Variants in FSD1 observed in about 807,000 individuals in gnomAD.
FSD1 encodes the protein fibronectin type III and SPRY domain containing 1, also known as fibronectin type III and SPRY domain-containing protein 1.
FSD1 carries 23 observed loss-of-function variants against 58.2 expected under a neutral mutation model. The ratio of observed to expected loss-of-function variants is 0.40; its 90% confidence interval spans 0.28 to 0.56. The LOEUF (loss-of-function observed/expected upper bound fraction) is 0.56, where lower values mean the gene tolerates loss of function less well. Ranked by LOEUF, FSD1 falls within the 20% of genes least tolerant of loss-of-function variation. The pLI is 0.54. For missense variants in FSD1, 563 were observed against 670.8 expected (o/e 0.84, Z 1.78); for synonymous variants, 265 against 263.4 (o/e 1.01, Z -0.06).
rs1479738701 is a variant in FSD1 at position 4,323,030 on chromosome 19, T to C, written c.1084T>C (p.Tyr362His). 5 of 1,611,946 alleles carry C rather than the reference T, an allele frequency of 3.1e-6. No individual in the cohort carries two copies. Among genetic ancestry groups the C allele is most frequent in the African/African-American group, 1.3e-5 (1 of 74,910 alleles). The change falls in exon 11 of 13, where the codon TAC becomes CAC. Residue 362 changes from tyrosine to histidine, a missense_variant. Coordinates refer to ENST00000221856, the MANE Select transcript of FSD1 (RefSeq NM_024333.3). The surrounding 1 kb of genome is among the most constrained non-coding windows in gnomAD (Gnocchi z 7.7). Reference sequence around the variant, plus strand: ...CGGGGAGCATTACTGGGAGGTGCGCTACGAGCCGGACAGCAAGGCGTTCGG... The same window carrying C: ...CGGGGAGCATTACTGGGAGGTGCGCCACGAGCCGGACAGCAAGGCGTTCGG... ...DGGEHYWEVR[Y>H]EPDSKAFGVG...
intron 9 of FSD1, 99 bp from the exon 10 acceptor site, chr19:4,318,773 A>G: frequency 1.0e-6 from 1 of 967,696 alleles, no homozygotes; most frequent in South Asian, 1.3e-5. Context: ...GATTGACCCA[A>G]CATCCACGGT....
chr19:4,318,413 G>A lies in FSD1; in HGVS notation c.867G>A (p.Glu289=), dbSNP rs1971778683. 1 of 1,613,956 alleles carries A rather than the reference G, an allele frequency of 6.2e-7. No individual in the cohort carries two copies. Among genetic ancestry groups the A allele is most frequent in the Non-Finnish European group, 8.5e-7 (1 of 1,180,020 alleles). ...QNLRVDDLSV[E]WDAMGGKVQD... ...TGCGGGTGGATGATCTCTCCGTGGA[G>A]TGGGACGCTATGGGCGGGAAGGTGC... is the stretch of plus-strand genomic sequence containing the variant. Residue 289 remains glutamate (E), a synonymous_variant, in exon 9 of 13, where the codon GAG becomes GAA. Coordinates refer to ENST00000221856, the MANE Select transcript of FSD1 (RefSeq NM_024333.3).
intron 7 of FSD1, among the ~76,000 whole-genome samples, chr19:4,316,496 C>T (rs1333071864): frequency 6.6e-6 from 1 of 152,030 alleles, no homozygotes; most frequent in Non-Finnish European, 1.5e-5. Context: ...GCTGACATTA[C>T]AGGCGTAAGC....
At chr19:4,307,832 C>T in intron 3 of FSD1, 50 bp from the exon 4 acceptor site, 1 of 1,446,374 alleles carries the variant, frequency 6.9e-7, no homozygotes, top group Non-Finnish European at 9.6e-7. Context: ...CTCAGGGGGC[C>T]TGAGGCAGTG....
chr19:4,323,617 A>G lies in FSD1; in HGVS notation c.1465A>G (p.Ser489Gly), dbSNP rs1235802389. The change falls in exon 13 of 13, where the codon AGC becomes GGC. Residue 489 changes from serine to glycine, a missense_variant. By Grantham distance (56) the Ser-to-Gly change is moderately conservative (BLOSUM62 0). Transcript: ENST00000221856. The surrounding 1 kb of genome is among the most constrained non-coding windows in gnomAD (Gnocchi z 7.7). Reference sequence around the variant, plus strand: ...CCTGCAAAAGCGAGGCAGTGCTACCAGCAGCTCCAACACCAGCCTCACCTA... The same window carrying G: ...CCTGCAAAAGCGAGGCAGTGCTACCGGCAGCTCCAACACCAGCCTCACCTA... ...RCLQKRGSAT[S>G]SSNTSLT 1 of 1,612,994 alleles carries G rather than the reference A, an allele frequency of 6.2e-7. No individual in the cohort carries two copies. Among genetic ancestry groups the G allele is most frequent in the South Asian group, 1.1e-5 (1 of 91,000 alleles).
chr19:4,316,382 C>G (rs1305845326), intron 7 of FSD1, among the ~76,000 whole-genome samples: 2 of 151,700 alleles, frequency 1.3e-5, no homozygotes, highest in Non-Finnish European at 2.9e-5. Context: ...CCCCCGCCCC[C>G]ACCAATTTTT....
intron 7 of FSD1, among the ~76,000 whole-genome samples, chr19:4,314,124 G>C (rs1971727010): frequency 6.6e-6 from 1 of 152,120 alleles, no homozygotes; most frequent in African/African-American, 2.4e-5. Context: ...CCATTCACTA[G>C]CTGCTTTTGG....
Position 4,323,792 on chromosome 19 carries a change from G to A in FSD1, c.*149G>A, listed in dbSNP as rs1322729770. 1.7e-5 allele frequency: 11 copies of A among 637,136 alleles called. No individual in the cohort carries two copies. The highest frequency in any genetic ancestry group is 3.0e-5 in the Non-Finnish European group (11 of 367,850). 39.5% of individuals were successfully genotyped at this position (637,136 alleles called of 1,614,324 possible). On this transcript the variant is annotated 3_prime_UTR_variant, in exon 13 of 13. Transcript: ENST00000221856. The surrounding 1 kb of genome is among the most constrained non-coding windows in gnomAD (Gnocchi z 7.7). ...ACCAAGAGGGAGTGGGCACCCTGGC[G>A]GGCCCTCTCCCCACCTCACCTCTTA... is the stretch of plus-strand genomic sequence containing the variant.
At chr19:4,312,835 TA>T (rs146565854) in intron 7 of FSD1, among the ~76,000 whole-genome samples, 3,480 of 149,216 alleles carry the variant, frequency 0.023, 97 homozygotes, top group African/African-American at 0.067. Context: ...AATAAATAAA[TA>T]AATAATAATA....
intron 7 of FSD1, among the ~76,000 whole-genome samples, chr19:4,313,291 T>A (rs1971715539): frequency 6.7e-6 from 1 of 150,322 alleles, no homozygotes; most frequent in Non-Finnish European, 1.5e-5. Context: ...CAGTGAGCCA[T>A]GACTGCACCA....
At chr19:4,312,158 A>T in intron 7 of FSD1, 107 bp downstream of exon 7, 2 of 1,024,920 alleles carry the variant, frequency 2.0e-6, no homozygotes, top group Non-Finnish European at 1.4e-6. Context: ...CCCAAAGCTC[A>T]TGGGGTCTGG....
At position 4,311,862 on chromosome 19, in the gene FSD1, G is replaced by C. The variant is rs760189878; in HGVS notation, c.511G>C (p.Asp171His). 1.2e-6 allele frequency: 2 copies of C among 1,614,116 alleles called. No homozygotes were observed. Among genetic ancestry groups the C allele is most frequent in the Middle Eastern group, 1.7e-4 (1 of 6,060 alleles). Reference protein sequence around the residue: ...FLPVPSAPVIDLAESLVADNC... With the variant: ...FLPVPSAPVIHLAESLVADNC... ...GTCAGTGCCCAGCGCACCCGTGATCGACCTGGCTGAGTCCCTGGTGGCAGA... is the reference window on the plus strand; with the variant it reads ...GTCAGTGCCCAGCGCACCCGTGATCCACCTGGCTGAGTCCCTGGTGGCAGA... The change falls in exon 7 of 13, where the codon GAC (aspartate) becomes CAC (histidine). Residue 171 changes from aspartate (D) to histidine (H), a missense_variant. Transcript: ENST00000221856.
chr19:4,323,468 G>C lies in FSD1; in HGVS notation c.1380+32G>C, dbSNP rs1372748853. On this transcript the variant is annotated intron_variant, in intron 12 of 12. Coordinates refer to ENST00000221856, the MANE Select transcript of FSD1 (RefSeq NM_024333.3). This position sits in a 1 kb window ranked among gnomAD's most constrained non-coding sequence, Gnocchi z 7.7. Reference sequence around the variant, plus strand: ...TGCCCTCCGCGGCCCAGGGGGAGGAGAGGGTGGTGCTGGGCGCTGGGGTTT... The same window carrying C: ...TGCCCTCCGCGGCCCAGGGGGAGGACAGGGTGGTGCTGGGCGCTGGGGTTT... 14 of 1,604,748 alleles carry C rather than the reference G, an allele frequency of 8.7e-6. No homozygotes were observed. The East Asian group carries it at 3.1e-4, about 36-fold the overall frequency.
intron 10 of FSD1, among the ~76,000 whole-genome samples, chr19:4,319,239 G>T (rs1003706831): frequency 6.6e-6 from 1 of 152,198 alleles, no homozygotes; most frequent in Non-Finnish European, 1.5e-5. Flanking sequence ...CTGGCACTTG[G>T]GGAGTAGCTG....
At chr19:4,314,463 C>G (rs555688508) in intron 7 of FSD1, among the ~76,000 whole-genome samples, 1 of 150,828 alleles carries the variant, frequency 6.6e-6, no homozygotes, top group African/African-American at 2.4e-5. Context: ...GAAATGGACA[C>G]GGGTGCAGTG....
chr19:4,317,124 A>G (rs1312894159), intron 7 of FSD1, 58 bp from the exon 8 acceptor site: 10 of 969,548 alleles, frequency 1.0e-5, no homozygotes, highest in Non-Finnish European at 1.3e-5. Context: ...GCTTTAACCC[A>G]TGACTCAGAG....
chr19:4,307,856 C>T (rs1429743562), intron 3 of FSD1, 26 bp from the exon 4 acceptor site: 4 of 1,590,760 alleles, frequency 2.5e-6, no homozygotes, highest in Admixed American at 1.7e-5. Flanking sequence ...TGAGTTGTCC[C>T]CTCCTTTGGT....
intron 6 of FSD1, 118 bp from the exon 7 acceptor site, chr19:4,311,724 C>T: frequency 2.5e-6 from 2 of 807,966 alleles, no homozygotes; most frequent in South Asian, 1.6e-5. Flanking sequence ...ACATGGAACC[C>T]CTTTGTGGCC....
rs1971734946 is a variant in FSD1 at position 4,323,747 on chromosome 19, T to G, written c.*104T>G. 1 of 773,936 alleles carries G rather than the reference T, an allele frequency of 1.3e-6. No individual in the cohort carries two copies. The highest frequency in any genetic ancestry group is 2.6e-5 in the Admixed American group (1 of 39,136). The allele number at this position is 773,936 out of a possible 1,614,324, so 47.9% of individuals were successfully genotyped here. A position where few individuals can be genotyped will look rare whatever the true frequency, so the allele number is the denominator to read the frequency against. On this transcript the variant is annotated 3_prime_UTR_variant, in exon 13 of 13. Coordinates refer to ENST00000221856, the MANE Select transcript of FSD1 (RefSeq NM_024333.3). This position sits in a 1 kb window ranked among gnomAD's most constrained non-coding sequence, Gnocchi z 7.7. ...CTCTGTCACTTGCTGCTTGGAGCCT[T>G]AACTCCAGATGGGGGGGTCACCAAG...
Sources: allele counts gnomAD v4.1 joint callset (sites outside exome capture counted in the v4.1 genomes callset), GRCh38; gene constraint gnomAD v4.1.1; non-coding constraint Gnocchi (gnomAD v3.1); transcripts MANE v1.5; gene names NCBI Gene and HGNC (gene_info 2026-07-23, HGNC 2026-07-21).